Variants in ARFGEF2 observed in about 807,000 individuals in gnomAD.
The protein encoded by ARFGEF2 is ARF guanine nucleotide exchange factor 2, also known as brefeldin A-inhibited guanine nucleotide-exchange protein 2.
A neutral mutation model predicts 219.9 loss-of-function variants in ARFGEF2; 74 were observed. That is an observed-to-expected ratio of 0.34 (90% CI 0.28 to 0.41). The LOEUF (loss-of-function observed/expected upper bound fraction) is 0.41, where lower values mean the gene tolerates loss of function less well. Ranked by LOEUF, ARFGEF2 falls within the 10% of genes least tolerant of loss-of-function variation. ARFGEF2 has a pLI of 1.00. For synonymous variants in ARFGEF2, 733 were observed against 799.2 expected, an observed-to-expected ratio of 0.92 and a Z score of 1.40; for missense variants, 1,743 against 2,218.3, an observed-to-expected ratio of 0.79 and a Z score of 4.30.
intron 3 of ARFGEF2, among the ~76,000 whole-genome samples, chr20:48,946,281 C>CCT (rs1293784532): frequency 2.6e-5 from 4 of 152,140 alleles, no homozygotes; most frequent in Non-Finnish European, 5.9e-5. Context: ...GCTCAGGCTT[C>CCT]CTCTCCACTG....
At chr20:48,941,315 C>T (rs1269119343) in intron 2 of ARFGEF2, 86 bp downstream of exon 2, 4 of 1,395,098 alleles carry the variant, frequency 2.9e-6, no homozygotes, top group Non-Finnish European at 4.0e-6. Context: ...TGCTTGGTTT[C>T]TCATATTTCT....
In ARFGEF2 at chr20:48,969,472, C is replaced by A. The variant is rs538487434; in HGVS notation, c.1190+195C>A. Among the ~76,000 whole-genome samples the A allele has an allele frequency of 4.6e-5, 7 of 152,312 alleles. No homozygotes were observed. In the East Asian group the frequency reaches 1.3e-3, roughly 29 times the overall value. On this transcript the variant is annotated intron_variant, in intron 9 of 38. Coordinates refer to ENST00000371917, the MANE Select transcript of ARFGEF2 (RefSeq NM_006420.3). ...TTCATATGGAATTGTCTCTGTATCCCCACCAACCAAGATTTTGCCCAGTTT... is the reference window on the plus strand; with the variant it reads ...TTCATATGGAATTGTCTCTGTATCCACACCAACCAAGATTTTGCCCAGTTT...
intron 9 of ARFGEF2, among the ~76,000 whole-genome samples, chr20:48,970,113 G>A (rs1209737728): frequency 6.6e-6 from 1 of 151,826 alleles, no homozygotes; most frequent in Admixed American, 6.6e-5. Context: ...CCAGGAGTTC[G>A]AGACCAGCCT....
At position 48,965,950 on chromosome 20, in the gene ARFGEF2, C is replaced by T. The variant is rs1228845330; in HGVS notation, c.986C>T (p.Pro329Leu). Residue 329 changes from proline to leucine, a missense_variant, in exon 8 of 39, where the codon CCA (proline) becomes CTA (leucine). Physicochemically the swap from Pro to Leu is moderately conservative, Grantham distance 98 (BLOSUM62 -3). This residue lies in a region of ARFGEF2 where 394 missense variants were observed against 426.6 expected (regional missense o/e 0.92). Coordinates refer to ENST00000371917, the MANE Select transcript of ARFGEF2 (RefSeq NM_006420.3). Reference sequence around the variant, plus strand: ...GAGTGCCAGGAATGTGCTATTCCCCCAGGAGTTGATGAAAACTCACAGACC... The same window carrying T: ...GAGTGCCAGGAATGTGCTATTCCCCTAGGAGTTGATGAAAACTCACAGACC... ...ELECQECAIP[P>L]GVDENSQTNG... 6.2e-7 allele frequency: 1 copy of T among 1,614,042 alleles called. No individual in the cohort carries two copies. Among genetic ancestry groups the T allele is most frequent in the Admixed American group, 1.7e-5 (1 of 60,000 alleles).
chr20:48,957,277 T>G (rs1275538646), intron 6 of ARFGEF2, among the ~76,000 whole-genome samples: 1 of 152,202 alleles, frequency 6.6e-6, no homozygotes, highest in Non-Finnish European at 1.5e-5. Flanking sequence ...ATGATCACCC[T>G]TTCTGCAAGA....
At chr20:48,995,953 T>C (rs1600642137) in intron 23 of ARFGEF2, 71 bp downstream of exon 23, 1 of 1,330,384 alleles carries the variant, frequency 7.5e-7, no homozygotes, top group East Asian at 2.3e-5. Context: ...TTACTGGACA[T>C]GAATGATTCC....
At chr20:48,985,899 A>G (rs1386337177) in intron 16 of ARFGEF2, among the ~76,000 whole-genome samples, 2 of 152,236 alleles carry the variant, frequency 1.3e-5, no homozygotes, top group Non-Finnish European at 2.9e-5. Flanking sequence ...GAGTAGTTTC[A>G]TAAGTTGAGA....
intron 10 of ARFGEF2, among the ~76,000 whole-genome samples, chr20:48,971,675 G>A (rs1264313785): frequency 1.3e-5 from 2 of 152,088 alleles, no homozygotes; most frequent in Non-Finnish European, 2.9e-5. Context: ...GCTGAGGCGG[G>A]CGGATCATGA....
intron 11 of ARFGEF2, 79 bp from the exon 12 acceptor site, chr20:48,973,066 T>C: frequency 1.3e-6 from 2 of 1,561,648 alleles, no homozygotes; most frequent in Non-Finnish European, 1.8e-6. Context: ...GGGAAATTTG[T>C]TGGCAAACAT....
chr20:49,010,673 T>C (rs1298046851), intron 27 of ARFGEF2, among the ~76,000 whole-genome samples: 1 of 152,214 alleles, frequency 6.6e-6, no homozygotes, highest in Non-Finnish European at 1.5e-5. Context: ...TCAAGCCAGA[T>C]GAAATTTGAA....
chr20:49,015,037 A>T (rs150462036), intron 30 of ARFGEF2, among the ~76,000 whole-genome samples: 1 of 152,260 alleles, frequency 6.6e-6, no homozygotes, highest in Admixed American at 6.5e-5. Flanking sequence ...TATATAAACT[A>T]CTTCTTAAAC....
intron 14 of ARFGEF2, among the ~76,000 whole-genome samples, chr20:48,984,509 G>C (rs767036146): frequency 7.9e-5 from 12 of 152,202 alleles, no homozygotes; most frequent in Non-Finnish European, 1.5e-4. Context: ...GAGAAGGGGA[G>C]AGTGGATATG....
Position 48,974,811 on chromosome 20 carries a change from C to A in ARFGEF2, c.1711C>A (p.Leu571Ile). 6.2e-7 allele frequency: 1 copy of A among 1,614,014 alleles called. No individual in the cohort carries two copies. Among genetic ancestry groups the A allele is most frequent in the Non-Finnish European group, 8.5e-7 (1 of 1,179,960 alleles). ...AGGCCTGGAGTGCCTCGTGTCCATTCTCAAGTGCATGGTGGAGTGGAGCAA... is the reference window on the plus strand; with the variant it reads ...AGGCCTGGAGTGCCTCGTGTCCATTATCAAGTGCATGGTGGAGTGGAGCAA... ...KKGLECLVSI[L>I]KCMVEWSKDL... Residue 571 changes from leucine to isoleucine, a missense_variant, in exon 13 of 39, where the codon CTC becomes ATC. Leu to Ile is a conservative substitution (Grantham distance 5). Transcript: ENST00000371917.
chr20:48,922,065 C>G, intron 1 of ARFGEF2, 55 bp downstream of exon 1: 1 of 1,542,084 alleles, frequency 6.5e-7, no homozygotes, highest in Non-Finnish European at 8.7e-7. Context: ...TCGGCCGTTG[C>G]CCTATCCTAC....
chr20:48,959,407 CCTTCCCTCCCTCCCTCCCTTCT>C (rs2091125312), intron 6 of ARFGEF2, among the ~76,000 whole-genome samples: 1 of 142,180 alleles, frequency 7.0e-6, no homozygotes. Flanking sequence ...TTCCCTCCTT[CCTTCCCTCCCTCCCTCCCTTCT>C]TCCTTCCCTC....
chr20:49,025,800 G>T (rs1182055404), intron 36 of ARFGEF2, among the ~76,000 whole-genome samples: 1 of 151,042 alleles, frequency 6.6e-6, no homozygotes, highest in African/African-American at 2.4e-5. Context: ...TGGCCAACAT[G>T]GCGAAACCCC....
intron 25 of ARFGEF2, among the ~76,000 whole-genome samples, chr20:49,000,130 G>A (rs371021884): frequency 6.6e-6 from 1 of 152,202 alleles, no homozygotes; most frequent in African/African-American, 2.4e-5. Flanking sequence ...ATTACCTCTT[G>A]TGGACAGGTG....
At position 49,034,267 on chromosome 20, in the gene ARFGEF2, G is replaced by A. The variant is rs1344019547; in HGVS notation, c.*1068G>A. The A allele has an allele frequency of 6.6e-6, 1 of 152,226 alleles. No homozygotes were observed. Among genetic ancestry groups the A allele is most frequent in the Non-Finnish European group, 1.5e-5 (1 of 68,072 alleles). 9.4% of individuals were successfully genotyped at this position (152,226 alleles called of 1,614,324 possible). A position where few individuals can be genotyped will look rare whatever the true frequency, so the allele number is the denominator to read the frequency against. On this transcript the variant is annotated 3_prime_UTR_variant, in exon 39 of 39. Transcript: ENST00000371917. ...TCATGGGTGGAACTGGAGCTGTGTC[G>A]GGGCCAGCACAGCTGAACTGTGACA...
intron 1 of ARFGEF2, among the ~76,000 whole-genome samples, chr20:48,924,125 T>C (rs2090860941): frequency 1.3e-5 from 2 of 152,204 alleles, no homozygotes; most frequent in Admixed American, 1.3e-4. Context: ...ATGACTGCTT[T>C]TACTTAGAGT....
Sources: allele counts gnomAD v4.1 joint callset (sites outside exome capture counted in the v4.1 genomes callset), GRCh38; gene constraint gnomAD v4.1.1; regional missense constraint gnomAD v4.1.1; transcripts MANE v1.5; gene names NCBI Gene and HGNC (gene_info 2026-07-23, HGNC 2026-07-21).